The following DOCK4 variants were observed in gnomAD, a reference collection of about 807,000 sequenced individuals.
DOCK4 encodes dedicator of cytokinesis 4.
In DOCK4, 97 loss-of-function variants were observed where a neutral mutation model predicts 268.1. The ratio of observed to expected loss-of-function variants is 0.36; its 90% CI spans 0.31 to 0.43. DOCK4 has a LOEUF of 0.43. DOCK4 is among the 20% of genes least tolerant of loss of function. The probability of loss-of-function intolerance (pLI) is 1.00; values close to 1 mark genes in which losing one functional copy is unlikely to be tolerated. For missense variants in DOCK4, 2,145 were observed against 2,455.7 expected (o/e 0.87, Z 2.67); for synonymous variants, 954 against 887.2 (o/e 1.08, Z -1.34).
At chr7:112,148,138 A>G (rs530775701) in intron 1 of DOCK4, among the ~76,000 whole-genome samples, 3 of 152,300 alleles carry the variant, frequency 2.0e-5, no homozygotes, top group African/African-American at 7.2e-5. Context: ...GAAAGACAGA[A>G]AAGCTAAAGA....
chr7:111,899,753 C>T (rs1790977095), intron 15 of DOCK4, among the ~76,000 whole-genome samples: 1 of 152,112 alleles, frequency 6.6e-6, no homozygotes, highest in Middle Eastern at 3.4e-3. Context: ...TGAAACCCCG[C>T]CTGTAATAAA....
chr7:111,862,989 T>G (rs1291071089), intron 23 of DOCK4: 3 of 211,586 alleles, frequency 1.4e-5, no homozygotes, highest in African/African-American at 7.1e-5. Context: ...CACTGACCAC[T>G]TGCTCTTGGG....
chr7:111,934,926 T>C (rs1316338365), intron 12 of DOCK4, among the ~76,000 whole-genome samples: 2 of 152,034 alleles, frequency 1.3e-5, no homozygotes, highest in Admixed American at 1.3e-4. Flanking sequence ...AGCATCATAT[T>C]TGTCATGTGA....
intron 1 of DOCK4, among the ~76,000 whole-genome samples, chr7:112,141,280 T>C (rs775482046): frequency 3.3e-5 from 5 of 152,184 alleles, no homozygotes; most frequent in Non-Finnish European, 7.4e-5. Context: ...TGCCACACAG[T>C]TACCAGAAGA....
intron 25 of DOCK4, 92 bp from the exon 26 acceptor site, chr7:111,834,778 T>C (rs1250277261): frequency 2.5e-6 from 2 of 808,110 alleles, no homozygotes; most frequent in Non-Finnish European, 1.8e-6. Flanking sequence ...TCAAAGAGAA[T>C]AGGTTAAAAT....
intron 43 of DOCK4, 41 bp from the exon 44 acceptor site, chr7:111,746,458 C>T (rs771384804): frequency 1.2e-5 from 16 of 1,359,342 alleles, no homozygotes; most frequent in Non-Finnish European, 1.7e-5. Flanking sequence ...TAGTGGAGTA[C>T]AAGGCAAGTC....
At position 111,846,874 on chromosome 7, in the gene DOCK4, C is replaced by G; in HGVS notation, c.2601+125G>C. ...TCCAAAGAGAAGCAAAAAGTCCAGC[C>G]CAGCTGGAAATAAAAGTGGGTCTCA... On this transcript the variant is annotated intron_variant, in intron 24 of 52. Coordinates refer to ENST00000428084, the MANE Select transcript of DOCK4 (RefSeq NM_001363540.2). 3.5e-6 allele frequency: 4 copies of G among 1,149,096 alleles called. No homozygotes were observed. In the South Asian group the frequency reaches 1.0e-4, roughly 29 times the overall value. The allele number at this position is 1,149,096 out of a possible 1,614,324, so 71.2% of individuals were successfully genotyped here. A position where few individuals can be genotyped will look rare whatever the true frequency, so the allele number is the denominator to read the frequency against.
chr7:111,897,390 C>G (rs116973372), intron 15 of DOCK4, among the ~76,000 whole-genome samples: 124 of 152,200 alleles, frequency 8.1e-4, no homozygotes, highest in Non-Finnish European at 1.5e-3. Context: ...ATGCCTCCTT[C>G]TCATCCTCCC....
chr7:111,838,725 AGAGAGGGAACC>A (rs1393427874), intron 25 of DOCK4, among the ~76,000 whole-genome samples: 2 of 152,302 alleles, frequency 1.3e-5, no homozygotes, highest in Non-Finnish European at 1.5e-5. Context: ...GAGGGGCAAA[AGAGAGGGAACC>A]GAGAGGGGCA....
chr7:112,065,430 C>A (rs886159998), intron 1 of DOCK4, among the ~76,000 whole-genome samples: 2 of 151,824 alleles, frequency 1.3e-5, no homozygotes, highest in African/African-American at 4.8e-5. Flanking sequence ...AAACCACTTA[C>A]CACAATTTTA....
At chr7:111,900,076 C>T (rs1456751943) in intron 15 of DOCK4, among the ~76,000 whole-genome samples, 1 of 152,168 alleles carries the variant, frequency 6.6e-6, no homozygotes, top group African/African-American at 2.4e-5. Flanking sequence ...TCTGAACTGG[C>T]CAAAGGCTTT....
chr7:111,790,378 G>A, intron 31 of DOCK4, 79 bp downstream of exon 31: 1 of 1,532,908 alleles, frequency 6.5e-7, no homozygotes. Context: ...TTCCCAAGTT[G>A]GAGTTGAATC....
At chr7:112,128,252 A>T (rs985332059) in intron 1 of DOCK4, among the ~76,000 whole-genome samples, 1 of 152,120 alleles carries the variant, frequency 6.6e-6, no homozygotes, top group Non-Finnish European at 1.5e-5. Flanking sequence ...GATCCCTCTC[A>T]GCCCCTCTGC....
chr7:112,167,684 GTAT>G (rs1817720249), intron 1 of DOCK4, among the ~76,000 whole-genome samples: 1 of 152,048 alleles, frequency 6.6e-6, no homozygotes, highest in Non-Finnish European at 1.5e-5. Flanking sequence ...TTGGGGCTTT[GTAT>G]TATTTCCTTA....
rs1795556668 is a variant in DOCK4 at position 111,945,606 on chromosome 7, T to TA, written c.783+110dup. The TA allele has an allele frequency of 3.3e-6, 3 of 902,564 alleles. No homozygotes were observed. The Admixed American group carries it at 8.2e-5, about 25-fold the overall frequency. The allele number at this position is 902,564 out of a possible 1,614,324, so 55.9% of individuals were successfully genotyped here. A position where few individuals can be genotyped will look rare whatever the true frequency, so the allele number is the denominator to read the frequency against. ...TAATGTAATTTGTGTGTTATTTACA[T>TA]AAAGTTTAAAAGCAAATTCACTATG... On this transcript the variant is annotated intron_variant, in intron 9 of 52. Coordinates refer to ENST00000428084, the MANE Select transcript of DOCK4 (RefSeq NM_001363540.2).
At chr7:111,923,241 T>C (rs1270499656) in intron 12 of DOCK4, among the ~76,000 whole-genome samples, 2 of 152,208 alleles carry the variant, frequency 1.3e-5, no homozygotes, top group Admixed American at 6.5e-5. Context: ...TGCTATTTTA[T>C]GTAAGGGACT....
chr7:111,908,467 T>C (rs954322700), intron 13 of DOCK4, among the ~76,000 whole-genome samples: 1 of 151,534 alleles, frequency 6.6e-6, no homozygotes, highest in East Asian at 1.9e-4. Context: ...AATAAAATAA[T>C]AATAATAATA....
intron 32 of DOCK4, among the ~76,000 whole-genome samples, chr7:111,786,021 A>G (rs898567688): frequency 3.3e-5 from 5 of 152,164 alleles, no homozygotes; most frequent in Admixed American, 3.3e-4. Flanking sequence ...TCATCACTCT[A>G]ATATATAACA....
intron 1 of DOCK4, among the ~76,000 whole-genome samples, chr7:112,100,030 T>C (rs1310986651): frequency 6.6e-6 from 1 of 152,224 alleles, no homozygotes; most frequent in Non-Finnish European, 1.5e-5. Context: ...CATACCTTTA[T>C]TTTTAGACCC....
Sources: allele counts gnomAD v4.1 joint callset (sites outside exome capture counted in the v4.1 genomes callset), GRCh38; gene constraint gnomAD v4.1.1; transcripts MANE v1.5; gene names NCBI Gene and HGNC (gene_info 2026-07-23, HGNC 2026-07-21).